RSU1: variants seen among roughly 807,000 people sequenced by gnomAD.
RSU1 encodes Ras suppressor protein 1.
A neutral mutation model predicts 31.1 loss-of-function variants in RSU1; 26 were observed. That is an observed-to-expected ratio of 0.84 (90% confidence interval 0.61 to 1.16). RSU1 has a LOEUF of 1.16. RSU1 is among the 50% of genes most tolerant of loss of function. RSU1 has a pLI of 0.00. For synonymous variants in RSU1, 164 were observed against 136.3 expected, an observed-to-expected ratio of 1.20 and a Z score of -1.41; for missense variants, 320 against 339.1, an observed-to-expected ratio of 0.94 and a Z score of 0.44.
intron 8 of RSU1, among the ~76,000 whole-genome samples, chr10:16,617,550 C>T (rs1833998392): frequency 6.6e-6 from 1 of 152,142 alleles, no homozygotes; most frequent in African/African-American, 2.4e-5. Context: ...GCAAAAAGAA[C>T]AAAGCTGGAG....
intron 8 of RSU1, among the ~76,000 whole-genome samples, chr10:16,645,903 CAT>C (rs1418859009): frequency 2.2e-5 from 2 of 92,476 alleles, no homozygotes; most frequent in African/African-American, 7.1e-5. Context: ...TGTATATACA[CAT>C]ATATGTATAT....
At chr10:16,783,863 C>T (rs1259597035) in intron 2 of RSU1, among the ~76,000 whole-genome samples, 2 of 152,150 alleles carry the variant, frequency 1.3e-5, no homozygotes, top group Non-Finnish European at 2.9e-5. Context: ...TAACCCAGTA[C>T]ATGAGGACCA....
At chr10:16,643,957 C>T (rs1051847047) in intron 8 of RSU1, among the ~76,000 whole-genome samples, 1 of 151,860 alleles carries the variant, frequency 6.6e-6, no homozygotes, top group South Asian at 2.1e-4. Context: ...ATTTACATAA[C>T]GTTGACATCA....
chr10:16,797,436 G>C (rs746283193), intron 2 of RSU1, among the ~76,000 whole-genome samples: 6 of 152,152 alleles, frequency 3.9e-5, no homozygotes, highest in Non-Finnish European at 5.9e-5. Flanking sequence ...AAGCTATCTA[G>C]AACTAAGCCT....
chr10:16,804,073 C>T (rs1838216285), intron 2 of RSU1, among the ~76,000 whole-genome samples: 1 of 152,020 alleles, frequency 6.6e-6, no homozygotes. Flanking sequence ...TGTTAACACA[C>T]ATATCTGATA....
chr10:16,744,515 T>C (rs1836811136), intron 7 of RSU1, among the ~76,000 whole-genome samples: 2 of 152,314 alleles, frequency 1.3e-5, no homozygotes, highest in East Asian at 1.9e-4. Context: ...GATCTTAATA[T>C]GGATAAAGAA....
chr10:16,809,465 G>A (rs1404777069), intron 2 of RSU1, among the ~76,000 whole-genome samples: 1 of 152,198 alleles, frequency 6.6e-6, no homozygotes, highest in Non-Finnish European at 1.5e-5. Context: ...GATGAGACGA[G>A]CTGTGTCCAG....
rs549251085 is a variant in RSU1, at chr10:16,704,151, T to C, written c.599-8996A>G. Among the ~76,000 whole-genome samples, 38 of 152,268 alleles carry C rather than the reference T, an allele frequency of 2.5e-4. No individual in the cohort carries two copies. In the South Asian group the frequency reaches 7.9e-3, roughly 32 times the overall value. On this transcript the variant is annotated intron_variant, in intron 7 of 8. Coordinates refer to ENST00000345264, the MANE Select transcript of RSU1 (RefSeq NM_012425.4). ...AAGAAAAAATTAAATCTATTTTGAG[T>C]ACTGAAAAAGAAATCTGAATTTTTA...
intron 7 of RSU1, among the ~76,000 whole-genome samples, chr10:16,703,996 G>C (rs1023871453): frequency 6.6e-6 from 1 of 151,844 alleles, no homozygotes; most frequent in Non-Finnish European, 1.5e-5. Flanking sequence ...TGAAGCCCTA[G>C]TGTTTGCATT....
At chr10:16,595,386 C>A (rs115662294) in intron 8 of RSU1, among the ~76,000 whole-genome samples, 1 of 152,148 alleles carries the variant, frequency 6.6e-6, no homozygotes, top group Admixed American at 6.5e-5. Context: ...GCCTTGGAGG[C>A]GGTACAAGCA....
intron 2 of RSU1, among the ~76,000 whole-genome samples, chr10:16,796,453 A>G (rs1243945024): frequency 1.3e-5 from 2 of 152,072 alleles, no homozygotes; most frequent in Non-Finnish European, 2.9e-5. Context: ...ATCTGCCATC[A>G]ATGACACCCA....
At position 16,661,934 on chromosome 10, in the gene RSU1, A is replaced by G. The variant is rs185257331; in HGVS notation, c.731+33089T>C. Among the ~76,000 whole-genome samples the G allele has an allele frequency of 1.3e-4, 20 of 152,302 alleles. 1 individual carries two copies. Among genetic ancestry groups the G allele is most frequent in the Admixed American group, 7.2e-4 (11 of 15,296 alleles). On this transcript the variant is annotated intron_variant, in intron 8 of 8. Transcript: ENST00000345264. ...GTTCAGCAATATAGTTATAAAATAC[A>G]TTTCTCTGACTCATTCTGCATCTAG...
intron 8 of RSU1, among the ~76,000 whole-genome samples, chr10:16,664,167 G>A (rs974288956): frequency 6.6e-6 from 1 of 152,104 alleles, no homozygotes; most frequent in African/African-American, 2.4e-5. Flanking sequence ...TATTTTATAA[G>A]GAAGAAAGGC....
intron 8 of RSU1, among the ~76,000 whole-genome samples, chr10:16,631,074 C>A (rs1190018828): frequency 6.6e-6 from 1 of 152,192 alleles, no homozygotes; most frequent in Non-Finnish European, 1.5e-5. Flanking sequence ...TCAGCAACAA[C>A]AAACATCAAC....
At chr10:16,612,293 A>G (rs1241467074) in intron 8 of RSU1, among the ~76,000 whole-genome samples, 2 of 152,256 alleles carry the variant, frequency 1.3e-5, no homozygotes, top group African/African-American at 2.4e-5. Flanking sequence ...GGCAGAGAAC[A>G]TAAGGAGGAG....
intron 3 of RSU1, among the ~76,000 whole-genome samples, chr10:16,768,299 G>A (rs546308935): frequency 6.6e-6 from 1 of 152,222 alleles, no homozygotes; most frequent in Admixed American, 6.5e-5. Context: ...TAACATTCTA[G>A]GATTCTAAAA....
intron 7 of RSU1, among the ~76,000 whole-genome samples, chr10:16,717,110 G>A (rs1836158473): frequency 1.3e-5 from 2 of 152,002 alleles, no homozygotes; most frequent in South Asian, 4.1e-4. Flanking sequence ...TTTTATTAAA[G>A]GTTAAGTAAG....
At chr10:16,809,648 C>T (rs921744) in intron 2 of RSU1, among the ~76,000 whole-genome samples, 23,030 of 152,016 alleles carry the variant, frequency 0.15, 2,213 homozygotes, top group East Asian at 0.31. Context: ...GAGGTCTTTA[C>T]GCTGAATTAA....
chr10:16,755,254 C>G (rs1160717030), intron 4 of RSU1, among the ~76,000 whole-genome samples: 7 of 152,074 alleles, frequency 4.6e-5, no homozygotes, highest in Admixed American at 3.3e-4. Context: ...TCCCAAGTAA[C>G]TGGGACCACA....
Sources: gnomAD v4.1 joint callset for allele counts (sites outside exome capture counted in the v4.1 genomes callset) on GRCh38, gnomAD v4.1.1 for gene constraint, MANE v1.5 for transcripts, NCBI Gene and HGNC (gene_info 2026-07-23, HGNC 2026-07-21) for gene names.